Variants in FAM174A observed in about 807,000 individuals in gnomAD.
FAM174A encodes family with sequence similarity 174 member A.
FAM174A carries 14 observed loss-of-function variants against 14.3 expected under a neutral mutation model. The ratio of observed to expected loss-of-function variants is 0.98; its 90% CI spans 0.65 to 1.53. The LOEUF is 1.53. FAM174A is among the 40% of genes most tolerant of loss of function. The probability of loss-of-function intolerance (pLI) is 0.00; values close to 1 mark genes in which losing one functional copy is unlikely to be tolerated. For synonymous variants in FAM174A, 108 were observed against 111.4 expected (o/e 0.97, Z 0.19); for missense variants, 241 against 249.6 (o/e 0.97, Z 0.23).
At chr5:100,554,146 G>C (rs1746316140) in intron 1 of FAM174A, among the ~76,000 whole-genome samples, 1 of 151,950 alleles carries the variant, frequency 6.6e-6, no homozygotes. Context: ...ACTGACAAAA[G>C]GAAAGAGAAA....
At chr5:100,583,795 A>G (rs10035594) in intron 2 of FAM174A, among the ~76,000 whole-genome samples, 19,101 of 152,192 alleles carry the variant, frequency 0.13, 2,365 homozygotes, top group African/African-American at 0.32. Flanking sequence ...TCAATAAAAT[A>G]GCAGCATCTT....
At chr5:100,581,710 AGTG>A (rs1194215462) in intron 2 of FAM174A, among the ~76,000 whole-genome samples, 2 of 152,070 alleles carry the variant, frequency 1.3e-5, no homozygotes, top group Non-Finnish European at 2.9e-5. Flanking sequence ...GGGAGTGGGG[AGTG>A]GTGGTTCCTA....
chr5:100,579,425 AT>A (rs1283161115), intron 2 of FAM174A, among the ~76,000 whole-genome samples: 88 of 146,724 alleles, frequency 6.0e-4, no homozygotes, highest in Middle Eastern at 3.6e-3. Flanking sequence ...TTATGTAGCG[AT>A]TTTTTTTTTT....
intron 2 of FAM174A, among the ~76,000 whole-genome samples, chr5:100,563,450 A>G (rs1320491629): frequency 6.6e-6 from 1 of 151,922 alleles, no homozygotes; most frequent in African/African-American, 2.4e-5. Flanking sequence ...CACCAGGAAG[A>G]TATGACAATT....
chr5:100,555,749 A>G (rs1439383942), intron 1 of FAM174A, among the ~76,000 whole-genome samples: 4 of 152,046 alleles, frequency 2.6e-5, no homozygotes, highest in East Asian at 1.9e-4. Context: ...GTGTCTGTTC[A>G]TATCATTTGC....
rs141210054 is a variant in FAM174A at position 100,558,563 on chromosome 5, G to A, written c.435-3491G>A. 6.0e-3 allele frequency among the ~76,000 whole-genome samples: 918 copies of A among 152,134 alleles called. 10 individuals are homozygous for A. The highest frequency in any genetic ancestry group is 0.021 in the African/African-American group (874 of 41,504). On this transcript the variant is annotated intron_variant, in intron 1 of 2. Transcript: ENST00000312637. Reference sequence around the variant, plus strand: ...TATTAAAGTCTCCCATTATTATTGTGTGGGAGTCTAGGTCTCTTTGTAGTT... The same window carrying A: ...TATTAAAGTCTCCCATTATTATTGTATGGGAGTCTAGGTCTCTTTGTAGTT...
chr5:100,566,772 A>T (rs1182184975), intron 2 of FAM174A, among the ~76,000 whole-genome samples: 3 of 152,018 alleles, frequency 2.0e-5, no homozygotes, highest in South Asian at 4.1e-4. Flanking sequence ...AAGATGGAGA[A>T]ATAAAAAGTT....
chr5:100,559,305 C>G (rs1425762256), intron 1 of FAM174A, among the ~76,000 whole-genome samples: 1 of 152,150 alleles, frequency 6.6e-6, no homozygotes, highest in Non-Finnish European at 1.5e-5. Context: ...GCCAAGAGAT[C>G]AGCTGTTAGT....
At chr5:100,583,830 T>G (rs774002302) in intron 2 of FAM174A, among the ~76,000 whole-genome samples, 1 of 152,200 alleles carries the variant, frequency 6.6e-6, no homozygotes, top group Non-Finnish European at 1.5e-5. Flanking sequence ...TTCTAGACTT[T>G]CATGACGTTC....
chr5:100,580,397 C>T (rs929297774), intron 2 of FAM174A, among the ~76,000 whole-genome samples: 3 of 152,150 alleles, frequency 2.0e-5, no homozygotes, highest in Non-Finnish European at 4.4e-5. Flanking sequence ...TTAACTCACA[C>T]GATCACAAGG....
intron 2 of FAM174A, among the ~76,000 whole-genome samples, chr5:100,573,978 A>C (rs902447791): frequency 2.6e-5 from 4 of 152,164 alleles, no homozygotes; most frequent in African/African-American, 9.7e-5. Flanking sequence ...TCTTAATAGA[A>C]TGTGACATTT....
intron 1 of FAM174A, among the ~76,000 whole-genome samples, chr5:100,539,730 A>G (rs554688988): frequency 3.8e-4 from 58 of 152,200 alleles, no homozygotes; most frequent in Non-Finnish European, 2.6e-4. Flanking sequence ...AACATGTTCA[A>G]CCATCATGCT....
intron 1 of FAM174A, among the ~76,000 whole-genome samples, chr5:100,553,195 T>C (rs922260570): frequency 2.6e-5 from 4 of 152,126 alleles, no homozygotes; most frequent in Non-Finnish European, 5.9e-5. Context: ...ATTAAAGCTC[T>C]GCTTTTTCTT....
intron 2 of FAM174A, 28 bp downstream of exon 2, chr5:100,562,216 G>T: frequency 1.3e-6 from 2 of 1,550,810 alleles, no homozygotes; most frequent in Non-Finnish European, 1.7e-6. Context: ...TTAATTCCAT[G>T]AATCAGGAAG....
rs566827898 is a variant in FAM174A, at chr5:100,559,972, T to C, written c.435-2082T>C. The stretch of plus-strand genomic sequence containing the variant: ...TCGTCAAAGTCATTCTCCTTCCAGC[T>C]TTGTTCCGTTGCTGGTGAGGAGCTG... On this transcript the variant is annotated intron_variant, in intron 1 of 2. Transcript: ENST00000312637. 3.3e-5 allele frequency among the ~76,000 whole-genome samples: 5 copies of C among 152,266 alleles called. 1 individual carries two copies. In the South Asian group the frequency reaches 1.0e-3, roughly 32 times the overall value.
At chr5:100,572,358 G>A (rs1049037527) in intron 2 of FAM174A, among the ~76,000 whole-genome samples, 9 of 149,158 alleles carry the variant, frequency 6.0e-5, no homozygotes, top group South Asian at 2.1e-4. Flanking sequence ...CCACTAACTC[G>A]TCATCTAGCA....
At chr5:100,573,071 T>C (rs1421859930) in intron 2 of FAM174A, among the ~76,000 whole-genome samples, 1 of 152,238 alleles carries the variant, frequency 6.6e-6, no homozygotes, top group African/African-American at 2.4e-5. Context: ...TGTCTGTTCA[T>C]GTCCTTTGCC....
At chr5:100,545,995 G>C (rs1222534492) in intron 1 of FAM174A, among the ~76,000 whole-genome samples, 1 of 152,170 alleles carries the variant, frequency 6.6e-6, no homozygotes. Flanking sequence ...GAGGTGAGTA[G>C]ATAATTTTTC....
chr5:100,577,628 G>T (rs1223869532), intron 2 of FAM174A, among the ~76,000 whole-genome samples: 1 of 152,032 alleles, frequency 6.6e-6, no homozygotes, highest in Non-Finnish European at 1.5e-5. Flanking sequence ...TGTCTTAATT[G>T]TTGGGTATAA....
Sources: gnomAD v4.1 joint callset for allele counts (sites outside exome capture counted in the v4.1 genomes callset) on GRCh38, gnomAD v4.1.1 for gene constraint, MANE v1.5 for transcripts, NCBI Gene and HGNC (gene_info 2026-07-23, HGNC 2026-07-21) for gene names.